RGS7BP: variants seen among roughly 807,000 people sequenced by gnomAD.
RGS7BP encodes the protein regulator of G protein signaling 7 binding protein, also known as regulator of G protein signaling 7-binding protein.
Under a neutral mutation model 31.3 loss-of-function variants are expected in RGS7BP, and 9 were observed. That is an observed-to-expected ratio of 0.29 (90% CI 0.17 to 0.50). The LOEUF (loss-of-function observed/expected upper bound fraction) is 0.50, where lower values mean the gene tolerates loss of function less well. Ranked by LOEUF, RGS7BP falls within the 20% of genes least tolerant of loss-of-function variation. RGS7BP has a pLI of 0.98. For synonymous variants in RGS7BP, 115 were observed against 120.1 expected (o/e 0.96, Z 0.28); for missense variants, 274 against 322.0 (o/e 0.85, Z 1.14).
chr5:64,587,539 C>G (rs188133837), intron 3 of RGS7BP, among the ~76,000 whole-genome samples: 2 of 152,094 alleles, frequency 1.3e-5, no homozygotes, highest in African/African-American at 4.8e-5. Context: ...TAAGGAAAAG[C>G]TGGGCTACCC....
At chr5:64,570,290 G>T (rs1396311758) in intron 2 of RGS7BP, among the ~76,000 whole-genome samples, 1 of 152,024 alleles carries the variant, frequency 6.6e-6, no homozygotes, top group African/African-American at 2.4e-5. Context: ...TCCCACACAT[G>T]ATTTCATTTG....
intron 2 of RGS7BP, among the ~76,000 whole-genome samples, chr5:64,559,356 T>TG (rs1741998910): frequency 6.6e-6 from 1 of 152,182 alleles, no homozygotes; most frequent in Admixed American, 6.6e-5. Context: ...GGATGTTTAC[T>TG]GACACTACTC....
chr5:64,507,961 A>G lies in RGS7BP; in HGVS notation c.332+84A>G, dbSNP rs796990692. The G allele has an allele frequency of 2.4e-5, 27 of 1,137,498 alleles. No individual in the cohort carries two copies. The African/African-American group carries it at 3.6e-4, about 15-fold the overall frequency. 70.5% of individuals were successfully genotyped at this position (1,137,498 alleles called of 1,614,324 possible). On this transcript the variant is annotated intron_variant, in intron 2 of 5. Transcript: ENST00000334025. ...TTTTATGGTAGTCAAGTCCTCAGAC[A>G]TGATCTCCACATATTTGAGATTTTA... is the stretch of plus-strand genomic sequence containing the variant.
intron 2 of RGS7BP, among the ~76,000 whole-genome samples, chr5:64,574,803 A>C (rs2111897024): frequency 6.6e-6 from 1 of 152,364 alleles, no homozygotes; most frequent in African/African-American, 2.4e-5. Flanking sequence ...GACCCACATT[A>C]CAAAGAAACC....
At chr5:64,568,959 C>T (rs62369458) in intron 2 of RGS7BP, among the ~76,000 whole-genome samples, 10,971 of 151,948 alleles carry the variant, frequency 0.072, 585 homozygotes, top group Non-Finnish European at 0.11. Context: ...AGGGACAACA[C>T]GGAGATGGTC....
At chr5:64,579,349 G>A (rs1444401107) in intron 3 of RGS7BP, among the ~76,000 whole-genome samples, 1 of 151,900 alleles carries the variant, frequency 6.6e-6, no homozygotes, top group Non-Finnish European at 1.5e-5. Context: ...TTCAAGACCA[G>A]CCTGACCAAC....
At chr5:64,586,935 AG>A (rs1166006707) in intron 3 of RGS7BP, among the ~76,000 whole-genome samples, 1 of 152,228 alleles carries the variant, frequency 6.6e-6, no homozygotes, top group African/African-American at 2.4e-5. Context: ...TGTATTTGTC[AG>A]GGTAGGGTAA....
intron 5 of RGS7BP, among the ~76,000 whole-genome samples, chr5:64,602,046 C>T (rs371171308): frequency 2.6e-5 from 4 of 152,082 alleles, no homozygotes; most frequent in South Asian, 2.1e-4. Context: ...AGAATGAGTC[C>T]CCTCCTGTGA....
chr5:64,529,095 T>TA (rs1360624144), intron 2 of RGS7BP, among the ~76,000 whole-genome samples: 5 of 152,162 alleles, frequency 3.3e-5, no homozygotes, highest in Non-Finnish European at 5.9e-5. Context: ...TGGGATAGAA[T>TA]AAAAATAGTT....
At chr5:64,604,722 C>T (rs1489328489) in intron 5 of RGS7BP, among the ~76,000 whole-genome samples, 5 of 152,132 alleles carry the variant, frequency 3.3e-5, no homozygotes, top group Non-Finnish European at 7.4e-5. Context: ...GGGTCTCTCT[C>T]TTTTTTTCCC....
intron 3 of RGS7BP, among the ~76,000 whole-genome samples, chr5:64,584,063 T>C (rs1445840416): frequency 2.0e-5 from 3 of 152,208 alleles, no homozygotes; most frequent in Non-Finnish European, 2.9e-5. Context: ...TTTATCTCAC[T>C]ACAAAGTTTG....
At chr5:64,575,678 C>A in intron 2 of RGS7BP, 96 bp from the exon 3 acceptor site, 1 of 1,476,916 alleles carries the variant, frequency 6.8e-7, no homozygotes. Context: ...TTTAAGGAAT[C>A]TTTATTGAGC....
At chr5:64,514,401 TG>T (rs1244406340) in intron 2 of RGS7BP, among the ~76,000 whole-genome samples, 3 of 152,188 alleles carry the variant, frequency 2.0e-5, no homozygotes, top group Non-Finnish European at 1.5e-5. Flanking sequence ...ATACACACTT[TG>T]GGTTGTTTTG....
intron 3 of RGS7BP, among the ~76,000 whole-genome samples, chr5:64,588,780 A>C (rs1435529474): frequency 2.6e-5 from 4 of 152,128 alleles, no homozygotes. Context: ...CCCAGAATTC[A>C]GCCCAAAAAA....
rs565368045 is a variant in RGS7BP at position 64,581,393 on chromosome 5, A to T, written c.463+5489A>T. Among the ~76,000 whole-genome samples the T allele has an allele frequency of 1.2e-4, 19 of 152,282 alleles. No homozygotes were observed. In the Middle Eastern group the frequency reaches 0.014, roughly 109 times the overall value. Reference sequence around the variant, plus strand: ...TATGAGAGTCTCTAGTCAATTTTTCATTAGGATGAGATACTGAAGCCAAAC... The same window carrying T: ...TATGAGAGTCTCTAGTCAATTTTTCTTTAGGATGAGATACTGAAGCCAAAC... On this transcript the variant is annotated intron_variant, in intron 3 of 5. Transcript: ENST00000334025.
chr5:64,527,172 G>C (rs1489215381), intron 2 of RGS7BP, among the ~76,000 whole-genome samples: 2 of 152,228 alleles, frequency 1.3e-5, no homozygotes, highest in Non-Finnish European at 2.9e-5. Flanking sequence ...ACTTGCAGAA[G>C]CTAATGCTGA....
intron 2 of RGS7BP, chr5:64,539,566 C>T (rs1741472499): frequency 6.6e-6 from 1 of 152,172 alleles, no homozygotes; most frequent in African/African-American, 2.4e-5. Context: ...AGAAAGCTTG[C>T]TTAAGCCCAT....
chr5:64,507,876 G>T lies in RGS7BP; in HGVS notation c.331G>T (p.Gly111Cys). ...QAHQKLAAIS[G>C]PEDGEIHPEI... ...ACACCAAAAATTGGCTGCCATCTCA[G>T]GGTAGGAGACTCGGCATTATTTGGT... The change falls in exon 2 of 6, where the codon GGC becomes TGC. Residue 111 changes from glycine to cysteine, a missense_variant and splice_region_variant. Gly to Cys is a radical substitution (Grantham distance 159). Coordinates refer to ENST00000334025, the MANE Select transcript of RGS7BP (RefSeq NM_001029875.3). 6.2e-7 allele frequency: 1 copy of T among 1,611,086 alleles called. No homozygotes were observed. Among genetic ancestry groups the T allele is most frequent in the South Asian group, 1.1e-5 (1 of 90,818 alleles).
chr5:64,571,095 C>T (rs752097782), intron 2 of RGS7BP, among the ~76,000 whole-genome samples: 1 of 152,162 alleles, frequency 6.6e-6, no homozygotes. Context: ...TGCCCCTTCT[C>T]AGTCAATTCC....
Sources: gnomAD v4.1 joint callset for allele counts (sites outside exome capture counted in the v4.1 genomes callset) on GRCh38, gnomAD v4.1.1 for gene constraint, MANE v1.5 for transcripts, NCBI Gene and HGNC (gene_info 2026-07-23, HGNC 2026-07-21) for gene names.